The following TMCO5A variants were observed in gnomAD, a reference collection of about 807,000 sequenced individuals.
The protein encoded by TMCO5A is transmembrane and coiled-coil domains 5A.
TMCO5A carries 34 observed loss-of-function variants against 42.3 expected under a neutral mutation model. The ratio of observed to expected loss-of-function variants is 0.80; its 90% confidence interval spans 0.61 to 1.07. The LOEUF is 1.07. Among genes scored for constraint, TMCO5A ranks in the 50% least tolerant of loss-of-function variants. The probability of loss-of-function intolerance (pLI) is 0.00; values close to 1 mark genes in which losing one functional copy is unlikely to be tolerated. For synonymous variants in TMCO5A, 131 were observed against 115.6 expected, an observed-to-expected ratio of 1.13 and a Z score of -0.86; for missense variants, 357 against 327.9, an observed-to-expected ratio of 1.09 and a Z score of -0.69.
chr15:38,015,425 C>A, the TMCO5A span, among the ~76,000 whole-genome samples: 4 of 152,242 alleles, frequency 2.6e-5, no homozygotes, highest in East Asian at 1.9e-4. Flanking sequence ...AGATGTGGAA[C>A]AACAGGAACT....
intron 11 of TMCO5A, among the ~76,000 whole-genome samples, chr15:37,960,644 C>T (rs1890400265): frequency 6.6e-6 from 1 of 152,144 alleles, no homozygotes; most frequent in African/African-American, 2.4e-5. Flanking sequence ...TACATTCCAA[C>T]CAGCAGTGTA....
At chr15:37,939,200 T>C (rs1398450439) in intron 6 of TMCO5A, among the ~76,000 whole-genome samples, 3 of 152,054 alleles carry the variant, frequency 2.0e-5, no homozygotes. Flanking sequence ...CACTTGGTTG[T>C]GTGTATGAAG....
the TMCO5A span, among the ~76,000 whole-genome samples, chr15:38,023,010 C>T: frequency 6.6e-6 from 1 of 152,040 alleles, no homozygotes; most frequent in African/African-American, 2.4e-5. Flanking sequence ...TGTATAAGTT[C>T]CATGCAATCC....
the TMCO5A span, among the ~76,000 whole-genome samples, chr15:38,036,489 CT>C: frequency 7.8e-4 from 72 of 92,738 alleles, no homozygotes; most frequent in African/African-American, 2.8e-3. Flanking sequence ...TTTTGTCTCT[CT>C]CTCTCTCACA....
the TMCO5A span, among the ~76,000 whole-genome samples, chr15:38,032,975 T>G: frequency 6.7e-6 from 1 of 148,308 alleles, no homozygotes; most frequent in Non-Finnish European, 1.5e-5. Flanking sequence ...TCGCCCAGGC[T>G]GGAGTGCAGT....
chr15:38,005,441 A>C, the TMCO5A span, among the ~76,000 whole-genome samples: 1 of 147,734 alleles, frequency 6.8e-6, no homozygotes, highest in African/African-American at 2.5e-5. Flanking sequence ...GGTGGTGCAC[A>C]CCTGTAGTCT....
chr15:37,960,314 T>C (rs775745328), intron 11 of TMCO5A, among the ~76,000 whole-genome samples: 7 of 152,080 alleles, frequency 4.6e-5, no homozygotes, highest in Non-Finnish European at 1.0e-4. Context: ...TTACTTCACT[T>C]AGAATAATGG....
the TMCO5A span, among the ~76,000 whole-genome samples, chr15:38,027,344 T>C: frequency 6.6e-6 from 1 of 152,116 alleles, no homozygotes; most frequent in Non-Finnish European, 1.5e-5. Context: ...GTTTTAAAAT[T>C]TGACTGCCCC....
intron 8 of TMCO5A, 63 bp from the exon 9 acceptor site, chr15:37,942,128 A>C: frequency 6.8e-7 from 1 of 1,481,452 alleles, no homozygotes. Context: ...AGTGCTTATT[A>C]TGCTTAGAAA....
In TMCO5A at chr15:37,951,274, G is replaced by A. The variant is rs372111310; in HGVS notation, c.*40G>A. 1.9e-6 allele frequency: 3 copies of A among 1,590,674 alleles called. No homozygotes were observed. The African/African-American group carries it at 4.0e-5, about 21-fold the overall frequency. ...TCCTTGAGCAATAGAAGGGAAGTGG[G>A]ATCCGAGCCTGTAGAAGGGAGGCAT... On this transcript the variant is annotated 3_prime_UTR_variant, in exon 12 of 12. Coordinates refer to ENST00000319669, the MANE Select transcript of TMCO5A (RefSeq NM_152453.4).
chr15:37,975,062 C>T, the TMCO5A span, among the ~76,000 whole-genome samples: 1 of 152,030 alleles, frequency 6.6e-6, no homozygotes, highest in African/African-American at 2.4e-5. Flanking sequence ...GAGGAGTTTT[C>T]TTGGTATTGA....
chr15:38,009,809 C>T, the TMCO5A span, among the ~76,000 whole-genome samples: 3 of 152,114 alleles, frequency 2.0e-5, no homozygotes, highest in Admixed American at 1.3e-4. Flanking sequence ...CATGGTAACA[C>T]ATGTAAGTGA....
chr15:37,988,655 A>C, the TMCO5A span, among the ~76,000 whole-genome samples: 8 of 152,012 alleles, frequency 5.3e-5, no homozygotes, highest in Non-Finnish European at 1.0e-4. Flanking sequence ...ACATTGATCA[A>C]TTTTCACATG....
intron 7 of TMCO5A, 71 bp downstream of exon 7, chr15:37,941,276 T>G (rs542236433): frequency 6.9e-7 from 1 of 1,444,720 alleles, no homozygotes; most frequent in Non-Finnish European, 9.6e-7. Context: ...GCAATCTATT[T>G]CTCAAGTGAT....
At chr15:38,008,925 A>C in the TMCO5A span, among the ~76,000 whole-genome samples, 11 of 152,226 alleles carry the variant, frequency 7.2e-5, no homozygotes, top group Admixed American at 7.2e-4. Context: ...ACAAAAGCTC[A>C]AGAAATCACT....
intron 10 of TMCO5A, among the ~76,000 whole-genome samples, chr15:37,946,917 C>T (rs1047503865): frequency 1.3e-5 from 2 of 152,122 alleles, no homozygotes; most frequent in African/African-American, 4.8e-5. Context: ...GAGAAGTCAT[C>T]CTTGTCTTGT....
At chr15:37,984,681 C>CTTTTTTTTTT in the TMCO5A span, 18 of 41,878 alleles carry the variant, frequency 4.3e-4, 1 homozygote, top group African/African-American at 1.1e-3. Flanking sequence ...GAACATTTGT[C>CTTTTTTTTTT]TTTTTTTTTT....
At chr15:37,999,421 AT>A in the TMCO5A span, among the ~76,000 whole-genome samples, 1 of 152,186 alleles carries the variant, frequency 6.6e-6, no homozygotes, top group Non-Finnish European at 1.5e-5. Flanking sequence ...GTTCTAGCAG[AT>A]CTTTTGGCAG....
At chr15:38,031,420 G>A in the TMCO5A span, among the ~76,000 whole-genome samples, 4 of 152,106 alleles carry the variant, frequency 2.6e-5, no homozygotes, top group Admixed American at 6.6e-5. Context: ...CATAGTAGAA[G>A]TGACAACATA....
Sources: gnomAD v4.1 joint callset for allele counts (sites outside exome capture counted in the v4.1 genomes callset) on GRCh38, gnomAD v4.1.1 for gene constraint, MANE v1.5 for transcripts, NCBI Gene and HGNC (gene_info 2026-07-23, HGNC 2026-07-21) for gene names.